The following KCNQ3 variants were observed in gnomAD, a reference collection of about 807,000 sequenced individuals.
KCNQ3 encodes potassium voltage-gated channel subfamily KQT member 3.
Under a neutral mutation model 92.5 loss-of-function variants are expected in KCNQ3, and 30 were observed. That is an observed-to-expected ratio of 0.32 (90% CI 0.24 to 0.44). KCNQ3 has a LOEUF of 0.44. Ranked by LOEUF, KCNQ3 falls within the 20% of genes least tolerant of loss-of-function variation. KCNQ3 has a pLI of 1.00. For synonymous variants in KCNQ3, 450 were observed against 468.8 expected (o/e 0.96, Z 0.52); for missense variants, 913 against 1,140.3 (o/e 0.80, Z 2.87).
At chr8:132,156,704 G>A (rs956051541) in intron 9 of KCNQ3, among the ~76,000 whole-genome samples, 2 of 152,168 alleles carry the variant, frequency 1.3e-5, no homozygotes, top group Non-Finnish European at 1.5e-5. Context: ...AACACAGAGG[G>A]TTAAATTGTG....
At chr8:132,301,905 C>T (rs1214811131) in intron 1 of KCNQ3, among the ~76,000 whole-genome samples, 6 of 152,122 alleles carry the variant, frequency 3.9e-5, no homozygotes, top group African/African-American at 1.4e-4. Context: ...AGGAAGCCCA[C>T]AAATAAGCCC....
chr8:132,371,452 G>A lies in KCNQ3; in HGVS notation c.386+108695C>T, dbSNP rs192926158. On this transcript the variant is annotated intron_variant, in intron 1 of 14. Transcript: ENST00000388996. ...TGTCAACTTTATACATGGGCAGTCA[G>A]GGAAGACTTCCCAAAGGAGGAGATG... Among the ~76,000 whole-genome samples the A allele has an allele frequency of 1.6e-3, 245 of 152,322 alleles. 4 individuals carry two copies. The highest frequency in any genetic ancestry group is 3.7e-4 in the Non-Finnish European group (25 of 68,038).
chr8:132,444,261 T>C (rs1263221371), intron 1 of KCNQ3, among the ~76,000 whole-genome samples: 1 of 152,158 alleles, frequency 6.6e-6, no homozygotes, highest in African/African-American at 2.4e-5. Context: ...CTGTCTCCTG[T>C]GTGCTCCCTC....
intron 1 of KCNQ3, among the ~76,000 whole-genome samples, chr8:132,252,242 A>C (rs562487094): frequency 6.6e-6 from 1 of 152,176 alleles, no homozygotes; most frequent in African/African-American, 2.4e-5. Context: ...TGAGTGCTAC[A>C]GTTCTTAAAG....
intron 1 of KCNQ3, among the ~76,000 whole-genome samples, chr8:132,233,259 A>G (rs1270555563): frequency 1.3e-5 from 2 of 152,232 alleles, no homozygotes; most frequent in Non-Finnish European, 2.9e-5. Context: ...CCAGCCAAAC[A>G]CCAACCAGAA....
At chr8:132,389,110 T>A (rs1819981105) in intron 1 of KCNQ3, among the ~76,000 whole-genome samples, 1 of 152,246 alleles carries the variant, frequency 6.6e-6, no homozygotes, top group African/African-American at 2.4e-5. Context: ...GAAATCTTCA[T>A]GAATTCTTTC....
intron 1 of KCNQ3, among the ~76,000 whole-genome samples, chr8:132,476,830 A>C (rs1337050071): frequency 1.3e-5 from 2 of 152,048 alleles, no homozygotes. Context: ...AGGACATGAG[A>C]TTTGGGAGGA....
chr8:132,344,822 C>A (rs1168258094), intron 1 of KCNQ3, among the ~76,000 whole-genome samples: 3 of 152,014 alleles, frequency 2.0e-5, no homozygotes, highest in African/African-American at 7.2e-5. Flanking sequence ...GTGGAGTTAC[C>A]TAGAGAGGAG....
chr8:132,428,837 A>T (rs1293254531), intron 1 of KCNQ3, among the ~76,000 whole-genome samples: 3 of 152,210 alleles, frequency 2.0e-5, no homozygotes, highest in African/African-American at 7.2e-5. Flanking sequence ...GGAGGTTGAC[A>T]TATGAAAAAG....
At chr8:132,252,268 T>C (rs1196526935) in intron 1 of KCNQ3, among the ~76,000 whole-genome samples, 1 of 151,918 alleles carries the variant, frequency 6.6e-6, no homozygotes, top group Admixed American at 6.6e-5. Context: ...GTGTCCAGAG[T>C]TTGTTCCTTC....
At chr8:132,407,996 T>G (rs1046335277) in intron 1 of KCNQ3, among the ~76,000 whole-genome samples, 3 of 152,130 alleles carry the variant, frequency 2.0e-5, no homozygotes, top group Non-Finnish European at 2.9e-5. Context: ...GCTGGGTGGG[T>G]AGCTCAGGAA....
chr8:132,480,414 T>A lies in KCNQ3; in HGVS notation c.119A>T (p.Glu40Val), dbSNP rs2130875227. 3 of 1,492,050 alleles carry A rather than the reference T, an allele frequency of 2.0e-6. No homozygotes were observed. Among genetic ancestry groups the A allele is most frequent in the Non-Finnish European group, 2.7e-6 (3 of 1,126,578 alleles). The allele number at this position is 1,492,050 out of a possible 1,614,324, so 92.4% of individuals were successfully genotyped here. A position where few individuals can be genotyped will look rare whatever the true frequency, so the allele number is the denominator to read the frequency against. Reference sequence around the variant, plus strand: ...GCCGGGCGCCAGCCCCACTTTCCGCTCCTCGTCGCCGGCCGCCGCCGCGTC... The same window carrying A: ...GCCGGGCGCCAGCCCCACTTTCCGCACCTCGTCGCCGGCCGCCGCCGCGTC... ...GGDAAAAGDE[E>V]RKVGLAPGDV... The change falls in exon 1 of 15, where the codon GAG becomes GTG. Residue 40 changes from glutamate (E) to valine (V), a missense_variant. Glu to Val is a moderately radical substitution (Grantham distance 121). This residue lies in a region of KCNQ3 where 183 missense variants were observed against 167.7 expected (regional missense o/e 1.09). Transcript: ENST00000388996.
intron 4 of KCNQ3, 101 bp downstream of exon 4, chr8:132,180,053 CAGA>C: frequency 7.9e-7 from 1 of 1,262,876 alleles, no homozygotes; most frequent in Non-Finnish European, 1.1e-6. Flanking sequence ...TCAAGGGTGG[CAGA>C]ATGACTGCCT....
In KCNQ3 at chr8:132,480,516, C is replaced by T. The variant is rs1382518994; in HGVS notation, c.17G>A (p.Arg6His). MGLKA[R>H]RAAGAAGGGG... ...GCCGCCAGCCGCCCCCGCCGCCCTG[C>T]GCGCCTTGAGCCCCATCTGCCTCGC... The change falls in exon 1 of 15, where the codon CGC becomes CAC. Residue 6 changes from arginine to histidine, a missense_variant. By Grantham distance (29) the Arg-to-His change is conservative. Coordinates refer to ENST00000388996, the MANE Select transcript of KCNQ3 (RefSeq NM_004519.4). The T allele has an allele frequency of 1.7e-6, 2 of 1,157,130 alleles. No homozygotes were observed. Among genetic ancestry groups the T allele is most frequent in the Non-Finnish European group, 2.1e-6 (2 of 937,364 alleles). The allele number at this position is 1,157,130 out of a possible 1,614,324, so 71.7% of individuals were successfully genotyped here.
chr8:132,148,577 T>C (rs1217279195), intron 9 of KCNQ3, among the ~76,000 whole-genome samples: 6 of 152,264 alleles, frequency 3.9e-5, no homozygotes, highest in Non-Finnish European at 8.8e-5. Context: ...AGACAGCTGA[T>C]AAAACTTCAT....
chr8:132,208,023 T>A (rs764213390), intron 1 of KCNQ3, among the ~76,000 whole-genome samples: 1 of 151,904 alleles, frequency 6.6e-6, no homozygotes, highest in East Asian at 1.9e-4. Context: ...ATAGCCATGA[T>A]GGCTGATTGT....
At chr8:132,262,467 C>T (rs138715426) in intron 1 of KCNQ3, among the ~76,000 whole-genome samples, 34 of 152,174 alleles carry the variant, frequency 2.2e-4, no homozygotes, top group African/African-American at 7.9e-4. Context: ...AATAACATCT[C>T]GATGAAGGTG....
intron 1 of KCNQ3, among the ~76,000 whole-genome samples, chr8:132,253,517 G>T (rs143187176): frequency 8.5e-5 from 13 of 152,272 alleles, no homozygotes; most frequent in African/African-American, 3.1e-4. Flanking sequence ...ATGTGAGCTC[G>T]AGGATTTGCA....
At chr8:132,437,609 T>C (rs888417982) in intron 1 of KCNQ3, among the ~76,000 whole-genome samples, 1 of 152,266 alleles carries the variant, frequency 6.6e-6, no homozygotes, top group Admixed American at 6.5e-5. Context: ...AACCATTTAT[T>C]CTTTGATATC....
Sources: allele counts gnomAD v4.1 joint callset (sites outside exome capture counted in the v4.1 genomes callset), GRCh38; gene constraint gnomAD v4.1.1; regional missense constraint gnomAD v4.1.1; transcripts MANE v1.5; gene names NCBI Gene and HGNC (gene_info 2026-07-23, HGNC 2026-07-21).